The following NARS1 variants were observed in gnomAD, a reference collection of about 807,000 sequenced individuals.
NARS1 encodes the protein asparagine--tRNA ligase, cytoplasmic.
In NARS1, 65 loss-of-function variants were observed where a neutral mutation model predicts 79.2. The observed-to-expected ratio is 0.82, with a 90% confidence interval of 0.67 to 1.01. NARS1 has a LOEUF of 1.01. Among genes scored for constraint, NARS1 ranks in the 50% least tolerant of loss-of-function variants. NARS1 has a pLI of 0.00. For synonymous variants in NARS1, 229 were observed against 238.8 expected, an observed-to-expected ratio of 0.96 and a Z score of 0.38; for missense variants, 649 against 673.8, an observed-to-expected ratio of 0.96 and a Z score of 0.41.
rs879017225 is a variant in NARS1, at chr18:57,613,519, C to T, written c.421+83G>A. 8.8e-6 allele frequency: 11 copies of T among 1,246,164 alleles called. No individual in the cohort carries two copies. The South Asian group carries it at 1.2e-4, about 13-fold the overall frequency. 77.2% of individuals were successfully genotyped at this position (1,246,164 alleles called of 1,614,324 possible). A position where few individuals can be genotyped will look rare whatever the true frequency, so the allele number is the denominator to read the frequency against. On this transcript the variant is annotated intron_variant, in intron 5 of 13. Coordinates refer to ENST00000256854, the MANE Select transcript of NARS1 (RefSeq NM_004539.4). ...GAAAAAAAGGGGGAGAGAAAAAAACCCCTGCAAATCTTTGTATGTTTTTCT... is the reference window on the plus strand; with the variant it reads ...GAAAAAAAGGGGGAGAGAAAAAAACTCCTGCAAATCTTTGTATGTTTTTCT...
chr18:57,610,077 C>A (rs184680929), intron 6 of NARS1, among the ~76,000 whole-genome samples: 407 of 152,224 alleles, frequency 2.7e-3, no homozygotes, highest in African/African-American at 9.6e-3. Context: ...CAGAGCCCAT[C>A]TACACTATAA....
rs755681210 is a variant in NARS1, at chr18:57,602,844, G to A, written c.1351C>T (p.Arg451Ter). 5.0e-6 allele frequency: 8 copies of A among 1,613,864 alleles called. No homozygotes were observed. The highest frequency in any genetic ancestry group is 2.2e-5 in the South Asian group (2 of 91,084). Residue 451 changes from arginine to a stop codon, truncating the protein, a stop_gained, in exon 12 of 14, where the codon CGA becomes TGA. Transcript: ENST00000256854. LOFTEE classifies it high-confidence loss of function. ...PVEIKSFYMQ[R>*]CPEDSRLTES... ...GTAAGACGGGAATCCTCAGGACATC[G>A]CTGCATGTAGAAGGACTTGATCTCC... is the stretch of plus-strand genomic sequence containing the variant.
intron 5 of NARS1, among the ~76,000 whole-genome samples, chr18:57,612,622 G>A (rs2051613844): frequency 1.3e-5 from 2 of 152,116 alleles, no homozygotes; most frequent in African/African-American, 4.8e-5. Flanking sequence ...TTTTATTAGA[G>A]AAGAGGTTTC....
chr18:57,610,751 A>G (rs1388517570), intron 6 of NARS1, among the ~76,000 whole-genome samples: 2 of 152,172 alleles, frequency 1.3e-5, no homozygotes, highest in Non-Finnish European at 2.9e-5. Flanking sequence ...GCGGGTTGCA[A>G]AAGAAGAGAG....
At position 57,602,500 on chromosome 18, in the gene NARS1, T is replaced by C. The variant is rs2051517229; in HGVS notation, c.1384-14A>G. ...CAACACGTCGACCTTTAAATATAAG[T>C]GAAAGAAGATACACAATTACTATCA... On this transcript the variant is annotated splice_polypyrimidine_tract_variant and intron_variant, in intron 12 of 13. Transcript: ENST00000256854. 4 of 1,612,978 alleles carry C rather than the reference T, an allele frequency of 2.5e-6. No homozygotes were observed. Among genetic ancestry groups the C allele is most frequent in the African/African-American group, 1.3e-5 (1 of 74,804 alleles).
chr18:57,621,563 T>TGCCCCCCCCCCCC, intron 1 of NARS1, 145 bp downstream of exon 1: 1 of 300,806 alleles, frequency 3.3e-6, no homozygotes, highest in Non-Finnish European at 6.8e-6. Flanking sequence ...GCCAGCACCC[T>TGCCCCCCCCCCCC]CCCTCCCTCC....
At chr18:57,610,242 C>T (rs964278698) in intron 6 of NARS1, among the ~76,000 whole-genome samples, 4 of 151,988 alleles carry the variant, frequency 2.6e-5, no homozygotes, top group African/African-American at 4.8e-5. Flanking sequence ...GAGGCCGAGG[C>T]GGGTGGATCA....
rs1429250868 is a variant in NARS1 at position 57,602,348 on chromosome 18, G to A, written c.1515+7C>T. 1.2e-6 allele frequency: 2 copies of A among 1,607,858 alleles called. No homozygotes were observed. Among genetic ancestry groups the A allele is most frequent in the East Asian group, 2.2e-5 (1 of 44,826 alleles). On this transcript the variant is annotated splice_region_variant and intron_variant, in intron 13 of 13. Coordinates refer to ENST00000256854, the MANE Select transcript of NARS1 (RefSeq NM_004539.4). ...AAAATGTTGAGTACTTAAAAAATTG[G>A]TTTTACCTGATCCGTATACCAGTAA...
At chr18:57,605,135 ATATATATAT>A (rs1416351231) in intron 11 of NARS1, among the ~76,000 whole-genome samples, 52 of 64,256 alleles carry the variant, frequency 8.1e-4, no homozygotes, top group Non-Finnish European at 1.4e-3. Context: ...AAAAAAAAAA[ATATATATAT>A]ATATATATAT....
At position 57,615,945 on chromosome 18, in the gene NARS1, G is replaced by C. The variant is rs1908010622; in HGVS notation, c.124C>G (p.Pro42Ala). ...TTTTGTGAATCTACGTAAATGGTAG[G>C]AAATGGTTCTTTCCCTACTGTCATC... The part of the protein sequence containing the change: ...ALMTVGKEPF[P>A]TIYVDSQKEN... The change falls in exon 3 of 14, where the codon CCT (proline) becomes GCT (alanine). Residue 42 changes from proline (P) to alanine (A), a missense_variant. Physicochemically the swap from Pro to Ala is conservative, Grantham distance 27. Transcript: ENST00000256854. 6.2e-7 allele frequency: 1 copy of C among 1,611,886 alleles called. No homozygotes were observed. The highest frequency in any genetic ancestry group is 2.2e-5 in the East Asian group (1 of 44,866).
chr18:57,617,831 C>T (rs1048192793), intron 2 of NARS1, among the ~76,000 whole-genome samples: 1 of 149,712 alleles, frequency 6.7e-6, no homozygotes, highest in Non-Finnish European at 1.5e-5. Context: ...AGAAGAATCT[C>T]TTGAATCCGG....
rs373292901 is a variant in NARS1, at chr18:57,609,304, C to G, written c.579+53G>C. 1.3e-5 allele frequency: 18 copies of G among 1,438,266 alleles called. No homozygotes were observed. In the African/African-American group the frequency reaches 2.1e-4, roughly 17 times the overall value. The allele number at this position is 1,438,266 out of a possible 1,614,324, so 89.1% of individuals were successfully genotyped here. ...ATGTACAAACAAAGACACTGGAAAA[C>G]AAACCAATAAATAAACTATTCATTC... On this transcript the variant is annotated intron_variant, in intron 7 of 13. Coordinates refer to ENST00000256854, the MANE Select transcript of NARS1 (RefSeq NM_004539.4).
At chr18:57,611,998 C>G (rs1286200950) in intron 5 of NARS1, among the ~76,000 whole-genome samples, 4 of 152,114 alleles carry the variant, frequency 2.6e-5, no homozygotes. Context: ...CTCAAGCAAT[C>G]CTCCTACCTC....
Position 57,607,144 on chromosome 18 carries a change from G to A in NARS1, c.991C>T (p.His331Tyr). Reference protein sequence around the residue: ...YRAEQSRTRRHLAEYTHVEAE... With the variant: ...YRAEQSRTRRYLAEYTHVEAE... ...AAGACAACTTCATACTCAGCCAGGTGCCTTCGTGTTCTGGACTGCTCTGCC... is the reference window on the plus strand; with the variant it reads ...AAGACAACTTCATACTCAGCCAGGTACCTTCGTGTTCTGGACTGCTCTGCC... Residue 331 changes from histidine (H) to tyrosine (Y), a missense_variant, in exon 9 of 14, where the codon CAC becomes TAC. By Grantham distance (83) the His-to-Tyr change is moderately conservative. Transcript: ENST00000256854. The A allele has an allele frequency of 6.2e-7, 1 of 1,612,584 alleles. No individual in the cohort carries two copies. Among genetic ancestry groups the A allele is most frequent in the Non-Finnish European group, 8.5e-7 (1 of 1,179,046 alleles).
In NARS1 at chr18:57,613,609, G is replaced by A. The variant is rs1599037532; in HGVS notation, c.414C>T (p.Arg138=). 2 of 1,613,594 alleles carry A rather than the reference G, an allele frequency of 1.2e-6. No individual in the cohort carries two copies. The highest frequency in any genetic ancestry group is 4.5e-5 in the East Asian group (2 of 44,882). ...AAAAGCTTTGCCATTTACCTTGCCTGCGCAGCCTGTGGACCCAGCCAAACA... is the reference window on the plus strand; with the variant it reads ...AAAAGCTTTGCCATTTACCTTGCCTACGCAGCCTGTGGACCCAGCCAAACA... The part of the protein sequence containing the change: ...VKVFGWVHRL[R]RQGKNLMFLV... Residue 138 remains arginine (R), a synonymous_variant, in exon 5 of 14, where the codon CGC becomes CGT. Coordinates refer to ENST00000256854, the MANE Select transcript of NARS1 (RefSeq NM_004539.4).
rs1419499426 is a variant in NARS1, at chr18:57,602,915, A to T, written c.1280T>A (p.Met427Lys). Residue 427 changes from methionine (M) to lysine (K), a missense_variant, in exon 12 of 14, where the codon ATG becomes AAG. By Grantham distance (95) the Met-to-Lys change is moderately conservative. Coordinates refer to ENST00000256854, the MANE Select transcript of NARS1 (RefSeq NM_004539.4). ...GATTGGTTCATTAATGGTGTCTGTC[A>T]TCAGTCTCTCAGGAGCTTCTGGGAT... ...EDIPEAPERL[M>K]TDTINEPILL... 1.9e-6 allele frequency: 3 copies of T among 1,614,024 alleles called. No individual in the cohort carries two copies. Among genetic ancestry groups the T allele is most frequent in the Non-Finnish European group, 2.5e-6 (3 of 1,180,000 alleles).
chr18:57,620,223 C>T (rs548963999), intron 2 of NARS1, among the ~76,000 whole-genome samples: 111 of 152,282 alleles, frequency 7.3e-4, no homozygotes, highest in African/African-American at 2.4e-3. Context: ...AAAGCCCTCT[C>T]AGGAGCCCCC....
chr18:57,619,529 G>A (rs1187880752), intron 2 of NARS1, among the ~76,000 whole-genome samples: 1 of 151,752 alleles, frequency 6.6e-6, no homozygotes, highest in Non-Finnish European at 1.5e-5. Flanking sequence ...CCAAAGCCCA[G>A]ACCCAAGGAA....
rs746862248 is a variant in NARS1 at position 57,615,667 on chromosome 18, C to A, written c.316G>T (p.Asp106Tyr). The part of the protein sequence containing the change: ...EEAKKITIKN[D>Y]PSLPEPKCVK... ...CATTTTGGCTCTGGGAGACTTGGAT[C>A]ATTTTTAATGGTAATCTTCTTTGCT... Residue 106 changes from aspartate (D) to tyrosine (Y), a missense_variant, in exon 4 of 14, where the codon GAT becomes TAT. Coordinates refer to ENST00000256854, the MANE Select transcript of NARS1 (RefSeq NM_004539.4). The A allele has an allele frequency of 6.2e-7, 1 of 1,612,852 alleles. No homozygotes were observed. Among genetic ancestry groups the A allele is most frequent in the African/African-American group, 1.3e-5 (1 of 74,860 alleles).
Sources: allele counts gnomAD v4.1 joint callset (sites outside exome capture counted in the v4.1 genomes callset), GRCh38; gene constraint gnomAD v4.1.1; transcripts MANE v1.5; gene names NCBI Gene and HGNC (gene_info 2026-07-23, HGNC 2026-07-21).